The following SCAND3 variants were observed in gnomAD, a reference collection of about 807,000 sequenced individuals.
The protein encoded by SCAND3 is SCAN domain-containing protein 3.
chr6:28,572,159 C>T, the SCAND3 span: 1 of 1,614,054 alleles, frequency 6.2e-7, no homozygotes, highest in Non-Finnish European at 8.5e-7. The surrounding 1 kb of genome is among the most constrained non-coding windows in gnomAD (Gnocchi z 4.1). Context: ...GGAAGTGATG[C>T]TGTATTTTCA....
chr6:28,589,080 C>T, the SCAND3 span: 1 of 152,198 alleles, frequency 6.6e-6, no homozygotes, highest in African/African-American at 2.4e-5. Context: ...ATGTTGATAA[C>T]AGCTGTTCTT....
chr6:28,608,380 T>C, the SCAND3 span, among the ~76,000 whole-genome samples: 1 of 152,148 alleles, frequency 6.6e-6, no homozygotes, highest in Admixed American at 6.5e-5. Context: ...CTCTTGTCTC[T>C]TCTCAATCCT....
chr6:28,585,573 A>G, the SCAND3 span, among the ~76,000 whole-genome samples: 1 of 152,208 alleles, frequency 6.6e-6, no homozygotes, highest in Admixed American at 6.5e-5. Flanking sequence ...TTTCTGGCAT[A>G]CTGACCTCAT....
At chr6:28,609,906 C>T in the SCAND3 span, among the ~76,000 whole-genome samples, 8 of 152,266 alleles carry the variant, frequency 5.3e-5, no homozygotes, top group African/African-American at 1.9e-4. Context: ...GGAAAATTCT[C>T]CTGGACAAAC....
the SCAND3 span, among the ~76,000 whole-genome samples, chr6:28,605,645 A>G: frequency 2.0e-5 from 3 of 149,964 alleles, no homozygotes; most frequent in Non-Finnish European, 4.5e-5. Context: ...CAGCCTGGCC[A>G]ACATGGTGAA....
chr6:28,613,753 T>G, the SCAND3 span, among the ~76,000 whole-genome samples: 8 of 152,234 alleles, frequency 5.3e-5, no homozygotes, highest in East Asian at 9.7e-4. Flanking sequence ...GTTGCAAAAT[T>G]ATGACTCATT....
the SCAND3 span, among the ~76,000 whole-genome samples, chr6:28,592,033 A>C: frequency 6.6e-6 from 1 of 152,252 alleles, no homozygotes; most frequent in Non-Finnish European, 1.5e-5. The surrounding 1 kb of genome is among the most constrained non-coding windows in gnomAD (Gnocchi z 4.1). Context: ...ATACGGAAAA[A>C]GTATTTGACA....
At chr6:28,574,275 CAT>C in the SCAND3 span, among the ~76,000 whole-genome samples, 1 of 152,174 alleles carries the variant, frequency 6.6e-6, no homozygotes, top group African/African-American at 2.4e-5. Context: ...CTACTGATCA[CAT>C]GTTGCGTACC....
chr6:28,612,825 T>A, the SCAND3 span, among the ~76,000 whole-genome samples: 1 of 152,302 alleles, frequency 6.6e-6, no homozygotes, highest in East Asian at 1.9e-4. Flanking sequence ...TATTCTAGAA[T>A]CCTTAATTTC....
At chr6:28,593,282 A>G in the SCAND3 span, among the ~76,000 whole-genome samples, 1 of 152,252 alleles carries the variant, frequency 6.6e-6, no homozygotes, top group African/African-American at 2.4e-5. Flanking sequence ...GAAGATATAC[A>G]AATGGCAATA....
chr6:28,576,063 T>C, the SCAND3 span: 1 of 1,613,792 alleles, frequency 6.2e-7, no homozygotes, highest in Non-Finnish European at 8.5e-7. Flanking sequence ...CAATTTCTGC[T>C]TCATTAGTAT....
At chr6:28,587,703 TTTCACC>T in the SCAND3 span, 1 of 152,008 alleles carries the variant, frequency 6.6e-6, no homozygotes, top group Admixed American at 6.5e-5. Flanking sequence ...CACCTTTCCC[TTTCACC>T]CTAAATCAGA....
the SCAND3 span, among the ~76,000 whole-genome samples, chr6:28,598,876 C>CAAAAAAAAAAAAAAAAAAA: frequency 6.7e-5 from 5 of 74,308 alleles, no homozygotes; most frequent in African/African-American, 1.9e-4. Context: ...GACTATGTCT[C>CAAAAAAAAAAAAAAAAAAA]AAAAAAAAAA....
the SCAND3 span, among the ~76,000 whole-genome samples, chr6:28,601,355 G>T: frequency 6.6e-6 from 1 of 152,186 alleles, no homozygotes; most frequent in Non-Finnish European, 1.5e-5. Flanking sequence ...GCTAATTTTT[G>T]TTGAACCTGG....
At chr6:28,599,414 C>T in the SCAND3 span, among the ~76,000 whole-genome samples, 1 of 152,152 alleles carries the variant, frequency 6.6e-6, no homozygotes, top group Admixed American at 6.6e-5. Flanking sequence ...TTATAGTAAT[C>T]AGGACAGTGT....
the SCAND3 span, chr6:28,575,532 T>C: frequency 6.2e-7 from 1 of 1,613,724 alleles, no homozygotes; most frequent in African/African-American, 1.3e-5. This position sits in a 1 kb window ranked among gnomAD's most constrained non-coding sequence, Gnocchi z 4.2. Flanking sequence ...GCAAAATAAA[T>C]CTGTACTCCC....
chr6:28,599,522 T>TG, the SCAND3 span, among the ~76,000 whole-genome samples: 2 of 152,208 alleles, frequency 1.3e-5, no homozygotes, highest in African/African-American at 4.8e-5. Flanking sequence ...AATTGAATCA[T>TG]GGGGCAGATC....
the SCAND3 span, among the ~76,000 whole-genome samples, chr6:28,611,774 T>C: frequency 3.3e-5 from 5 of 152,248 alleles, no homozygotes; most frequent in African/African-American, 7.2e-5. Flanking sequence ...CTATGTTGTG[T>C]GCTTTTACAC....
chr6:28,579,027 C>G, the SCAND3 span, among the ~76,000 whole-genome samples: 1 of 152,206 alleles, frequency 6.6e-6, no homozygotes, highest in Non-Finnish European at 1.5e-5. This position sits in a 1 kb window ranked among gnomAD's most constrained non-coding sequence, Gnocchi z 4.5. Context: ...GATTTATCCA[C>G]AGGTACTTAC....
Sources: allele counts gnomAD v4.1 joint callset (sites outside exome capture counted in the v4.1 genomes callset), GRCh38; gene constraint gnomAD v4.1.1; non-coding constraint Gnocchi (gnomAD v3.1); transcripts MANE v1.5; gene names NCBI Gene and HGNC (gene_info 2026-07-23, HGNC 2026-07-21).